PRKCE: variants seen among roughly 807,000 people sequenced by gnomAD.
PRKCE encodes the protein protein kinase C epsilon type.
PRKCE carries 16 observed loss-of-function variants against 85.4 expected under a neutral mutation model. That is an observed-to-expected ratio of 0.19 (90% CI 0.13 to 0.28). The LOEUF is 0.28. Ranked by LOEUF, PRKCE falls within the 10% of genes least tolerant of loss-of-function variation. The pLI is 1.00. For missense variants in PRKCE, 573 were observed against 975.2 expected, an observed-to-expected ratio of 0.59 and a Z score of 5.49; for synonymous variants, 388 against 371.5, an observed-to-expected ratio of 1.04 and a Z score of -0.51.
chr2:46,058,083 T>C (rs1666764876), intron 10 of PRKCE, among the ~76,000 whole-genome samples: 1 of 152,260 alleles, frequency 6.6e-6, no homozygotes, highest in Admixed American at 6.5e-5. Flanking sequence ...AAATTCATAG[T>C]TTCCTCTGCA....
At chr2:46,008,275 T>G (rs1328806141) in intron 9 of PRKCE, among the ~76,000 whole-genome samples, 1 of 152,166 alleles carries the variant, frequency 6.6e-6, no homozygotes, top group Non-Finnish European at 1.5e-5. Flanking sequence ...CCCACTGAGA[T>G]GAACACAGTG....
intron 1 of PRKCE, among the ~76,000 whole-genome samples, chr2:45,749,941 G>T (rs140735256): frequency 6.6e-6 from 1 of 152,236 alleles, no homozygotes; most frequent in African/African-American, 2.4e-5. Context: ...CTGCATAAAA[G>T]GATAAGGCCT....
At chr2:46,158,722 T>A (rs1405439610) in intron 13 of PRKCE, among the ~76,000 whole-genome samples, 1 of 152,250 alleles carries the variant, frequency 6.6e-6, no homozygotes, top group Non-Finnish European at 1.5e-5. Context: ...TGACATTTTG[T>A]CTCTAACACT....
intron 1 of PRKCE, among the ~76,000 whole-genome samples, chr2:45,751,184 C>T (rs1683529714): frequency 6.6e-6 from 1 of 152,154 alleles, no homozygotes; most frequent in Admixed American, 6.5e-5. Flanking sequence ...GTGCTCATGT[C>T]TTTCACTCAG....
intron 2 of PRKCE, among the ~76,000 whole-genome samples, chr2:45,927,753 G>A (rs930027010): frequency 3.3e-5 from 5 of 152,190 alleles, no homozygotes; most frequent in African/African-American, 1.2e-4. Flanking sequence ...CCATTAAATA[G>A]ATAAACACAT....
At chr2:45,839,914 C>T (rs970496214) in intron 1 of PRKCE, among the ~76,000 whole-genome samples, 1 of 152,196 alleles carries the variant, frequency 6.6e-6, no homozygotes, top group African/African-American at 2.4e-5. Flanking sequence ...TTTGGAAATG[C>T]AGTTCACCAG....
chr2:45,947,489 T>G (rs1254790910), intron 2 of PRKCE, among the ~76,000 whole-genome samples: 1 of 152,194 alleles, frequency 6.6e-6, no homozygotes, highest in Non-Finnish European at 1.5e-5. Context: ...GAATTATATC[T>G]CAAACTGTTA....
intron 2 of PRKCE, among the ~76,000 whole-genome samples, chr2:45,923,927 G>C (rs867736535): frequency 6.6e-6 from 1 of 152,216 alleles, no homozygotes. Flanking sequence ...GAATGTTCTT[G>C]GGCGCAGCAG....
chr2:45,976,738 A>G (rs890793941), intron 3 of PRKCE, 150 bp downstream of exon 3: 9 of 1,001,748 alleles, frequency 9.0e-6, no homozygotes, highest in Non-Finnish European at 1.2e-5. Context: ...ATGGAAGGCT[A>G]AGTGTGTGTT....
chr2:46,163,045 C>T (rs1677933191), intron 14 of PRKCE, among the ~76,000 whole-genome samples: 1 of 152,242 alleles, frequency 6.6e-6, no homozygotes, highest in African/African-American at 2.4e-5. Flanking sequence ...AGTGGGAAAA[C>T]TCACTTGAGG....
At chr2:46,140,843 A>G (rs541884281) in intron 11 of PRKCE, among the ~76,000 whole-genome samples, 3 of 152,300 alleles carry the variant, frequency 2.0e-5, no homozygotes, top group African/African-American at 7.2e-5. Context: ...GATAAAAAAC[A>G]AACACCACAA....
At chr2:45,885,538 C>T (rs1271533138) in intron 2 of PRKCE, among the ~76,000 whole-genome samples, 1 of 152,190 alleles carries the variant, frequency 6.6e-6, no homozygotes, top group Non-Finnish European at 1.5e-5. Context: ...GCCTGGACCA[C>T]TTCATTTAAA....
chr2:45,976,820 A>T (rs1702484992), intron 3 of PRKCE, among the ~76,000 whole-genome samples: 1 of 151,840 alleles, frequency 6.6e-6, no homozygotes, highest in African/African-American at 2.4e-5. Flanking sequence ...TTTTATGAAA[A>T]GAGTTAAGAT....
At chr2:45,735,372 G>A (rs1681966617) in intron 1 of PRKCE, among the ~76,000 whole-genome samples, 1 of 152,196 alleles carries the variant, frequency 6.6e-6, no homozygotes, top group African/African-American at 2.4e-5. Flanking sequence ...AACAATCAAA[G>A]CAGCTGTAAG....
intron 1 of PRKCE, among the ~76,000 whole-genome samples, chr2:45,668,890 A>G (rs187869852): frequency 4.6e-5 from 7 of 152,320 alleles, no homozygotes; most frequent in Admixed American, 3.9e-4. Flanking sequence ...TATACAGTTT[A>G]CAAATGGAGA....
intron 1 of PRKCE, among the ~76,000 whole-genome samples, chr2:45,754,609 A>G (rs1336252062): frequency 2.0e-5 from 3 of 152,222 alleles, no homozygotes; most frequent in African/African-American, 7.2e-5. Flanking sequence ...AGTATGATAA[A>G]TAAATATTGA....
At chr2:45,681,753 C>G (rs1174928348) in intron 1 of PRKCE, among the ~76,000 whole-genome samples, 1 of 152,178 alleles carries the variant, frequency 6.6e-6, no homozygotes, top group African/African-American at 2.4e-5. Flanking sequence ...CTGTGGGAAT[C>G]CAAACCCCAA....
At chr2:46,019,477 A>G (rs185355858) in intron 10 of PRKCE, among the ~76,000 whole-genome samples, 85 of 152,160 alleles carry the variant, frequency 5.6e-4, no homozygotes, top group African/African-American at 1.9e-3. Context: ...TGATGCTCTT[A>G]CTCATTTTTC....
chr2:46,092,361 G>T (rs1338909842), intron 11 of PRKCE, among the ~76,000 whole-genome samples: 2 of 151,490 alleles, frequency 1.3e-5, no homozygotes, highest in East Asian at 3.8e-4. Context: ...GATCTCTAAT[G>T]AGCCCTTATC....
Sources: gnomAD v4.1 joint callset for allele counts (sites outside exome capture counted in the v4.1 genomes callset) on GRCh38, gnomAD v4.1.1 for gene constraint, MANE v1.5 for transcripts, NCBI Gene and HGNC (gene_info 2026-07-23, HGNC 2026-07-21) for gene names.